The following B3GLCT variants were observed in gnomAD, a reference collection of about 807,000 sequenced individuals.
B3GLCT encodes beta-1,3-glucosyltransferase.
In B3GLCT, 65 loss-of-function variants were observed where a neutral mutation model predicts 63.4. The observed-to-expected ratio is 1.03, with a 90% CI of 0.84 to 1.26. The LOEUF (loss-of-function observed/expected upper bound fraction) is 1.26, where lower values mean the gene tolerates loss of function less well. B3GLCT is among the 50% of genes most tolerant of loss of function. The pLI is 0.00. For missense variants in B3GLCT, 577 were observed against 604.8 expected (o/e 0.95, Z 0.48); for synonymous variants, 233 against 219.2 (o/e 1.06, Z -0.55).
intron 1 of B3GLCT, among the ~76,000 whole-genome samples, chr13:31,214,302 T>G (rs572178455): frequency 1.3e-5 from 2 of 152,240 alleles, no homozygotes; most frequent in Non-Finnish European, 2.9e-5. Context: ...AGGGTACTAT[T>G]TTTTGTTCTG....
chr13:31,293,510 G>T (rs1051055684), intron 12 of B3GLCT, among the ~76,000 whole-genome samples: 1 of 152,130 alleles, frequency 6.6e-6, no homozygotes, highest in African/African-American at 2.4e-5. Context: ...ATATATTTAG[G>T]ATAGTTAGCT....
intron 14 of B3GLCT, among the ~76,000 whole-genome samples, chr13:31,326,928 G>C (rs927535580): frequency 8.5e-5 from 13 of 152,238 alleles, no homozygotes; most frequent in Middle Eastern, 3.4e-3. Flanking sequence ...TGCATTAATA[G>C]AGTGGAAAAT....
chr13:31,257,509 A>G (rs1871803089), intron 6 of B3GLCT, among the ~76,000 whole-genome samples: 1 of 152,080 alleles, frequency 6.6e-6, no homozygotes, highest in African/African-American at 2.4e-5. Context: ...GGATCTGTGA[A>G]TCTAAATACA....
At position 31,279,036 on chromosome 13, in the gene B3GLCT, G is replaced by A. The variant is rs1037832959; in HGVS notation, c.850+2265G>A. On this transcript the variant is annotated intron_variant, in intron 10 of 14. Coordinates refer to ENST00000343307, the MANE Select transcript of B3GLCT (RefSeq NM_194318.4). ...GCACAGCTATACTGTAATCTCCTTG[G>A]ATGTATTACAAACTCCATACTTGAT... 6.4e-4 allele frequency among the ~76,000 whole-genome samples: 97 copies of A among 152,066 alleles called. 1 individual carries two copies. The highest frequency in any genetic ancestry group is 1.6e-4 in the Non-Finnish European group (11 of 67,992).
At chr13:31,245,273 G>A (rs945836314) in intron 4 of B3GLCT, among the ~76,000 whole-genome samples, 4 of 152,050 alleles carry the variant, frequency 2.6e-5, no homozygotes, top group African/African-American at 7.2e-5. Context: ...ATCAAAGGAA[G>A]CCTTTTCTCA....
chr13:31,261,064 G>A lies in B3GLCT; in HGVS notation c.578G>A (p.Ser193Asn), dbSNP rs545753153. The A allele has an allele frequency of 1.9e-6, 3 of 1,609,238 alleles. No individual in the cohort carries two copies. Among genetic ancestry groups the A allele is most frequent in the African/African-American group, 1.3e-5 (1 of 74,574 alleles). The change falls in exon 7 of 15, where the codon AGT (serine) becomes AAT (asparagine). Residue 193 changes from serine to asparagine, a missense_variant. Ser to Asn is a conservative substitution (Grantham distance 46, BLOSUM62 1). Coordinates refer to ENST00000343307, the MANE Select transcript of B3GLCT (RefSeq NM_194318.4). ...GACTTTGCTGCAGGCTGGGCCTTAA[G>A]TATTCCACTTGTAAACAAGTAAGAA... The part of the protein sequence containing the change: ...YPDFAAGWAL[S>N]IPLVNKLTKR...
At chr13:31,278,115 C>T (rs1032903601) in intron 10 of B3GLCT, among the ~76,000 whole-genome samples, 2 of 151,926 alleles carry the variant, frequency 1.3e-5, no homozygotes, top group African/African-American at 4.8e-5. Context: ...TTTAATTGAT[C>T]TTGAAGCTAC....
chr13:31,318,933 A>C (rs17630829), intron 13 of B3GLCT, among the ~76,000 whole-genome samples: 2 of 152,168 alleles, frequency 1.3e-5, no homozygotes, highest in South Asian at 4.1e-4. Flanking sequence ...TTCATTGCAT[A>C]TTGGATTTAG....
At chr13:31,259,157 C>T (rs1339216606) in intron 6 of B3GLCT, among the ~76,000 whole-genome samples, 1 of 152,072 alleles carries the variant, frequency 6.6e-6, no homozygotes, top group Non-Finnish European at 1.5e-5. Flanking sequence ...ATCTTTTTAT[C>T]CTTAAAGAAC....
chr13:31,217,814 T>A (rs1234768525), intron 2 of B3GLCT, among the ~76,000 whole-genome samples: 3 of 152,262 alleles, frequency 2.0e-5, no homozygotes, highest in African/African-American at 4.8e-5. Context: ...AGAAGTACCA[T>A]GCTGTTTGGT....
intron 1 of B3GLCT, among the ~76,000 whole-genome samples, chr13:31,200,643 C>T (rs1868608320): frequency 6.6e-6 from 1 of 151,946 alleles, no homozygotes; most frequent in Admixed American, 6.5e-5. Flanking sequence ...GGCGAGGCGG[C>T]CCTCGAGGCC....
intron 10 of B3GLCT, among the ~76,000 whole-genome samples, 159 bp from the exon 11 acceptor site, chr13:31,284,489 G>C (rs1250586577): frequency 6.6e-6 from 1 of 152,160 alleles, no homozygotes; most frequent in Non-Finnish European, 1.5e-5. Flanking sequence ...AGTCAACAAC[G>C]TTGGCATTTC....
chr13:31,244,057 A>G (rs1871076842), intron 4 of B3GLCT, among the ~76,000 whole-genome samples: 1 of 152,256 alleles, frequency 6.6e-6, no homozygotes, highest in Non-Finnish European at 1.5e-5. Context: ...GATTGACGAC[A>G]GTTGTTGCAT....
At chr13:31,253,595 C>CAAAAAAAAAAAAAAA (rs35512327) in intron 6 of B3GLCT, among the ~76,000 whole-genome samples, 1 of 18,418 alleles carries the variant, frequency 5.4e-5, no homozygotes, top group African/African-American at 3.2e-4. Context: ...GACTCCATCT[C>CAAAAAAAAAAAAAAA]AAAAAAAAAA....
intron 1 of B3GLCT, among the ~76,000 whole-genome samples, chr13:31,205,612 C>T (rs531578980): frequency 6.4e-4 from 97 of 152,216 alleles, no homozygotes; most frequent in Non-Finnish European, 1.1e-3. Flanking sequence ...TGGACCTGAA[C>T]TCCTGGCCTC....
chr13:31,323,647 C>T (rs1875443541), intron 13 of B3GLCT, 104 bp from the exon 14 acceptor site: 1 of 1,316,364 alleles, frequency 7.6e-7, no homozygotes. Flanking sequence ...CTACTATTGC[C>T]TCTCAGTCTG....
At chr13:31,251,561 T>G (rs907187299) in intron 6 of B3GLCT, among the ~76,000 whole-genome samples, 4 of 152,148 alleles carry the variant, frequency 2.6e-5, no homozygotes, top group Admixed American at 2.6e-4. Flanking sequence ...ACAAGCACTT[T>G]GTGAAGCATA....
intron 6 of B3GLCT, among the ~76,000 whole-genome samples, chr13:31,251,622 T>G (rs921838759): frequency 2.6e-5 from 4 of 151,944 alleles, no homozygotes; most frequent in African/African-American, 9.7e-5. Context: ...ATATCAGAGA[T>G]TGAAGATCAA....
At chr13:31,252,198 T>G (rs1871461748) in intron 6 of B3GLCT, among the ~76,000 whole-genome samples, 1 of 152,184 alleles carries the variant, frequency 6.6e-6, no homozygotes, top group Admixed American at 6.5e-5. Context: ...AGGCCTGCCC[T>G]GCAAGAGCTC....
Sources: allele counts gnomAD v4.1 joint callset (sites outside exome capture counted in the v4.1 genomes callset), GRCh38; gene constraint gnomAD v4.1.1; transcripts MANE v1.5; gene names NCBI Gene and HGNC (gene_info 2026-07-23, HGNC 2026-07-21).